Variants in PPP1R9A observed in about 807,000 individuals in gnomAD.
PPP1R9A encodes neurabin-1.
In PPP1R9A, 59 loss-of-function variants were observed where a neutral mutation model predicts 141.9. The ratio of observed to expected loss-of-function variants is 0.42; its 90% CI spans 0.34 to 0.52. The LOEUF is 0.52. Ranked by LOEUF, PPP1R9A falls within the 20% of genes least tolerant of loss-of-function variation. The pLI is 0.10. For missense variants in PPP1R9A, 1,444 were observed against 1,611.9 expected (o/e 0.90, Z 1.78); for synonymous variants, 500 against 569.7 (o/e 0.88, Z 1.74).
In PPP1R9A at chr7:95,251,621, A is replaced by G. The variant is rs947354131; in HGVS notation, c.2397-141A>G. 1.8e-5 allele frequency: 13 copies of G among 736,384 alleles called. No individual in the cohort carries two copies. In the African/African-American group the frequency reaches 1.8e-4, roughly 10 times the overall value. 45.6% of individuals were successfully genotyped at this position (736,384 alleles called of 1,614,324 possible). On this transcript the variant is annotated intron_variant, in intron 10 of 19. Transcript: ENST00000433360. ...ATGTTTTAGTTTCTTTCATTACTAT[A>G]CTTTTTCCTCTAACTGATTGAATGT... is the stretch of plus-strand genomic sequence containing the variant.
intron 7 of PPP1R9A, among the ~76,000 whole-genome samples, chr7:95,205,794 T>G (rs1261956848): frequency 6.6e-6 from 1 of 152,166 alleles, no homozygotes. Flanking sequence ...GTGTATCTCT[T>G]TCTGTCATTA....
At chr7:94,936,684 T>TGTG (rs1794806615) in intron 2 of PPP1R9A, among the ~76,000 whole-genome samples, 1 of 130,874 alleles carries the variant, frequency 7.6e-6, no homozygotes, top group African/African-American at 2.9e-5. Flanking sequence ...GTGTGTGTGT[T>TGTG]TGTGTATATA....
intron 2 of PPP1R9A, among the ~76,000 whole-genome samples, chr7:95,030,035 A>C (rs531130047): frequency 6.6e-6 from 1 of 152,338 alleles, no homozygotes; most frequent in East Asian, 1.9e-4. Context: ...AAAGACGTAT[A>C]TCTCATCGCT....
chr7:94,961,988 T>C (rs12533317), intron 2 of PPP1R9A, among the ~76,000 whole-genome samples: 7,474 of 152,014 alleles, frequency 0.049, 733 homozygotes, highest in East Asian at 0.42. Context: ...TGAATCTTCA[T>C]TGGGTTTCGG....
intron 2 of PPP1R9A, among the ~76,000 whole-genome samples, chr7:95,057,040 A>G (rs2152045270): frequency 6.6e-6 from 1 of 152,272 alleles, no homozygotes; most frequent in Middle Eastern, 3.4e-3. Context: ...CAAATGTATT[A>G]TTTGGAGACT....
chr7:95,115,682 G>A (rs951064449), intron 3 of PPP1R9A, among the ~76,000 whole-genome samples: 1 of 152,030 alleles, frequency 6.6e-6, no homozygotes, highest in African/African-American at 2.4e-5. Context: ...ACTTTGGGAG[G>A]CTGAGATGGG....
intron 4 of PPP1R9A, among the ~76,000 whole-genome samples, chr7:95,133,402 G>A (rs1489197286): frequency 6.6e-6 from 1 of 151,660 alleles, no homozygotes; most frequent in East Asian, 1.9e-4. Context: ...AGCAGAGCCT[G>A]CCTGTATACC....
At chr7:95,261,141 C>T (rs554931585) in intron 12 of PPP1R9A, among the ~76,000 whole-genome samples, 14 of 152,172 alleles carry the variant, frequency 9.2e-5, no homozygotes, top group African/African-American at 3.1e-4. Context: ...GCCCTGGGCT[C>T]CTACATTGTT....
intron 7 of PPP1R9A, among the ~76,000 whole-genome samples, chr7:95,215,172 CAA>C (rs1301550414): frequency 7.3e-6 from 1 of 136,592 alleles, no homozygotes; most frequent in Non-Finnish European, 1.5e-5. Flanking sequence ...TTCCTGTGTC[CAA>C]GTGTTCTCAT....
chr7:95,173,761 T>A (rs1832502794), intron 5 of PPP1R9A, among the ~76,000 whole-genome samples: 2 of 152,026 alleles, frequency 1.3e-5, no homozygotes, highest in Admixed American at 6.6e-5. Flanking sequence ...CCATTAAACA[T>A]GAAATGCTGC....
chr7:94,952,900 T>G (rs1386713403), intron 2 of PPP1R9A, among the ~76,000 whole-genome samples: 20 of 152,210 alleles, frequency 1.3e-4, no homozygotes, highest in Admixed American at 1.3e-3. Flanking sequence ...TCTCCCATTC[T>G]GTAGGTTGCC....
chr7:95,083,637 C>G (rs1350455299), intron 2 of PPP1R9A, among the ~76,000 whole-genome samples: 1 of 151,928 alleles, frequency 6.6e-6, no homozygotes, highest in Non-Finnish European at 1.5e-5. Context: ...AACTGCTAAG[C>G]TAATCAAGCA....
chr7:95,170,809 A>G (rs1199990010), intron 5 of PPP1R9A, among the ~76,000 whole-genome samples: 2 of 151,620 alleles, frequency 1.3e-5, no homozygotes, highest in African/African-American at 2.4e-5. Context: ...ATGTGGGTAA[A>G]TATAGGCTAC....
rs1260157220 is a variant in PPP1R9A at position 95,247,474 on chromosome 7, T to C, written c.2114T>C (p.Leu705Ser). The change falls in exon 9 of 20, where the codon TTG becomes TCG. Residue 705 changes from leucine to serine, a missense_variant and splice_region_variant. This residue lies in a region of PPP1R9A where 488 missense variants were observed against 542.0 expected (regional missense o/e 0.90). Coordinates refer to ENST00000433360, the MANE Select transcript of PPP1R9A (RefSeq NM_001166160.2). ...TTTTTCTTTCTTTTCAATTTTCAGT[T>C]GCAAATCAAACATGCAGTTACAGAA... ...TSKLSHKFKE[L>S]QIKHAVTEAE... is the part of the protein sequence containing the mutation. The C allele has an allele frequency of 2.5e-6, 4 of 1,606,106 alleles. No individual in the cohort carries two copies. Among genetic ancestry groups the C allele is most frequent in the Non-Finnish European group, 3.4e-6 (4 of 1,174,486 alleles).
chr7:95,202,722 G>A lies in PPP1R9A; in HGVS notation c.1891-943G>A, dbSNP rs146291520. 23 of 269,286 alleles carry A rather than the reference G, an allele frequency of 8.5e-5. No homozygotes were observed. In the East Asian group the frequency reaches 3.9e-3, roughly 46 times the overall value. 16.7% of individuals were successfully genotyped at this position (269,286 alleles called of 1,614,324 possible). A position where few individuals can be genotyped will look rare whatever the true frequency, so the allele number is the denominator to read the frequency against. ...ACCACTATCAGTTTGTAGCCTTTTA[G>A]TAGTGAGATGATGTAATTATGGTAT... On this transcript the variant is annotated intron_variant, in intron 6 of 19. Coordinates refer to ENST00000433360, the MANE Select transcript of PPP1R9A (RefSeq NM_001166160.2).
chr7:94,921,066 A>G (rs1053622067), intron 2 of PPP1R9A, among the ~76,000 whole-genome samples: 2 of 152,156 alleles, frequency 1.3e-5, no homozygotes, highest in African/African-American at 2.4e-5. Flanking sequence ...AGTCAGAGGT[A>G]CCTTTTCAGG....
rs139607622 is a variant in PPP1R9A at position 95,228,076 on chromosome 7, C to G, written c.2112+1960C>G. Among the ~76,000 whole-genome samples, 634 of 152,184 alleles carry G rather than the reference C, an allele frequency of 4.2e-3. 3 individuals carry two copies. Among genetic ancestry groups the G allele is most frequent in the African/African-American group, 0.014 (596 of 41,540 alleles). Reference sequence around the variant, plus strand: ...ACTTTTCACAGGATCATCCACAAAACTTGGGGTGAGTGTGAAGGATCATAT... The same window carrying G: ...ACTTTTCACAGGATCATCCACAAAAGTTGGGGTGAGTGTGAAGGATCATAT... On this transcript the variant is annotated intron_variant, in intron 8 of 19. Coordinates refer to ENST00000433360, the MANE Select transcript of PPP1R9A (RefSeq NM_001166160.2).
chr7:95,058,004 A>G (rs189128038), intron 2 of PPP1R9A, among the ~76,000 whole-genome samples: 12 of 152,302 alleles, frequency 7.9e-5, no homozygotes, highest in African/African-American at 2.9e-4. Context: ...AAACCAGAGT[A>G]CTAGAAATTC....
chr7:94,985,520 A>G (rs987495059), intron 2 of PPP1R9A, among the ~76,000 whole-genome samples: 1 of 152,148 alleles, frequency 6.6e-6, no homozygotes, highest in Non-Finnish European at 1.5e-5. Context: ...TATTGGATGC[A>G]TATATATTTA....
Sources: gnomAD v4.1 joint callset for allele counts (sites outside exome capture counted in the v4.1 genomes callset) on GRCh38, gnomAD v4.1.1 for gene constraint, gnomAD v4.1.1 regional missense constraint, MANE v1.5 for transcripts, NCBI Gene and HGNC (gene_info 2026-07-23, HGNC 2026-07-21) for gene names.